ABI1: variants seen among roughly 807,000 people sequenced by gnomAD.
ABI1 encodes the protein Abelson interactor 1.
A neutral mutation model predicts 54.6 loss-of-function variants in ABI1; 14 were observed. The observed-to-expected ratio is 0.26, with a 90% CI of 0.17 to 0.40. ABI1 has a LOEUF of 0.40. Ranked by LOEUF, ABI1 falls within the 10% of genes least tolerant of loss-of-function variation. The pLI, the probability that ABI1 is intolerant of heterozygous loss-of-function variation, is 1.00. For synonymous variants in ABI1, 194 were observed against 209.3 expected (o/e 0.93, Z 0.63); for missense variants, 443 against 598.3 (o/e 0.74, Z 2.71).
chr10:26,860,627 AG>A lies in ABI1; in HGVS notation c.117+119del. On this transcript the variant is annotated intron_variant, in intron 1 of 10. Coordinates refer to ENST00000376140, the MANE Select transcript of ABI1 (RefSeq NM_001012750.3). This position sits in a 1 kb window ranked among gnomAD's most constrained non-coding sequence, Gnocchi z 4.1. The stretch of plus-strand genomic sequence containing the variant: ...TTGGGGCTGGGGTTGGGGCTGCGGT[AG>A]GGGCTCGGGTTGGTGGCAGCCGCTG... 1.3e-6 allele frequency: 1 copy of A among 764,354 alleles called. No homozygotes were observed. The highest frequency in any genetic ancestry group is 2.5e-5 in the East Asian group (1 of 40,422). The allele number at this position is 764,354 out of a possible 1,614,324, so 47.3% of individuals were successfully genotyped here. A position where few individuals can be genotyped will look rare whatever the true frequency, so the allele number is the denominator to read the frequency against.
chr10:26,823,320 A>C lies in ABI1; in HGVS notation c.118-15T>G. ...TTGTCTGTAGCCTGAAATAAGAACAAAAACAACAAATACTTATTTAGATTA... is the reference window on the plus strand; with the variant it reads ...TTGTCTGTAGCCTGAAATAAGAACACAAACAACAAATACTTATTTAGATTA... On this transcript the variant is annotated splice_polypyrimidine_tract_variant and intron_variant, in intron 1 of 10. Transcript: ENST00000376140. The C allele has an allele frequency of 6.7e-7, 1 of 1,499,242 alleles. No homozygotes were observed. Among genetic ancestry groups the C allele is most frequent in the Non-Finnish European group, 8.9e-7 (1 of 1,129,482 alleles). The allele number at this position is 1,499,242 out of a possible 1,614,324, so 92.9% of individuals were successfully genotyped here.
intron 3 of ABI1, 123 bp from the exon 4 acceptor site, chr10:26,771,212 G>T: frequency 1.0e-6 from 1 of 991,984 alleles, no homozygotes; most frequent in Non-Finnish European, 1.6e-6. Context: ...TTCCAGCCAT[G>T]TTTCAACTAC....
In ABI1 at chr10:26,808,418, G is replaced by T. The variant is rs958759745; in HGVS notation, c.285+14720C>A. Among the ~76,000 whole-genome samples the T allele has an allele frequency of 4.6e-5, 7 of 152,132 alleles. 1 individual carries two copies. The South Asian group carries it at 8.3e-4, about 18-fold the overall frequency. Reference sequence around the variant, plus strand: ...AGTTTCATTCTTTGTTCACTCAGGGGTGGGATGGCGGGCTGGTGTGTATGC... The same window carrying T: ...AGTTTCATTCTTTGTTCACTCAGGGTTGGGATGGCGGGCTGGTGTGTATGC... On this transcript the variant is annotated intron_variant, in intron 2 of 10. Transcript: ENST00000376140.
chr10:26,786,231 T>G (rs1206599018), intron 2 of ABI1, among the ~76,000 whole-genome samples: 4 of 151,902 alleles, frequency 2.6e-5, no homozygotes. Context: ...TTTTTTTTTT[T>G]TTGACAGGGT....
At chr10:26,822,200 T>C (rs1282721390) in intron 2 of ABI1, among the ~76,000 whole-genome samples, 2 of 152,144 alleles carry the variant, frequency 1.3e-5, no homozygotes, top group Non-Finnish European at 2.9e-5. Flanking sequence ...ATATGATCAT[T>C]TCAACAAATG....
chr10:26,796,029 C>T (rs1396925501), intron 2 of ABI1, among the ~76,000 whole-genome samples: 1 of 151,906 alleles, frequency 6.6e-6, no homozygotes, highest in East Asian at 1.9e-4. Context: ...GTCTAAGCTG[C>T]AATGAGCCAT....
At chr10:26,795,167 C>T (rs1843992553) in intron 2 of ABI1, among the ~76,000 whole-genome samples, 2 of 150,218 alleles carry the variant, frequency 1.3e-5, no homozygotes, top group African/African-American at 2.4e-5. Context: ...CCAAAAACAC[C>T]ATACCAAGTT....
At chr10:26,843,199 T>A (rs935898642) in intron 1 of ABI1, among the ~76,000 whole-genome samples, 2 of 151,626 alleles carry the variant, frequency 1.3e-5, no homozygotes, top group Non-Finnish European at 2.9e-5. Context: ...ACACCTGTAA[T>A]CCCAGCACTC....
chr10:26,807,899 C>A (rs1375427059), intron 2 of ABI1, among the ~76,000 whole-genome samples: 1 of 152,098 alleles, frequency 6.6e-6, no homozygotes, highest in African/African-American at 2.4e-5. Context: ...GGAGGCCAGC[C>A]TGGCCAAAAT....
At position 26,860,325 on chromosome 10, in the gene ABI1, T is replaced by A. The variant is rs1229293076; in HGVS notation, c.117+422A>T. Among the ~76,000 whole-genome samples, 2 of 152,052 alleles carry A rather than the reference T, an allele frequency of 1.3e-5. No homozygotes were observed. The highest frequency in any genetic ancestry group is 2.9e-5 in the Non-Finnish European group (2 of 68,004). On this transcript the variant is annotated intron_variant, in intron 1 of 10. Coordinates refer to ENST00000376140, the MANE Select transcript of ABI1 (RefSeq NM_001012750.3). The surrounding 1 kb of genome is among the most constrained non-coding windows in gnomAD (Gnocchi z 4.1). ...CCCTCTCCTCTCCCCTCTCCCGTCC[T>A]GGACCTCCTCTCCCGGCGCAGAGAG... is the stretch of plus-strand genomic sequence containing the variant.
At chr10:26,836,023 G>T (rs10829084) in intron 1 of ABI1, among the ~76,000 whole-genome samples, 39,825 of 151,802 alleles carry the variant, frequency 0.26, 6,007 homozygotes, top group South Asian at 0.44. Context: ...AAACTGCTAG[G>T]ATTACAAGCA....
chr10:26,795,099 G>A (rs991083531), intron 2 of ABI1, among the ~76,000 whole-genome samples: 4 of 148,860 alleles, frequency 2.7e-5, no homozygotes, highest in South Asian at 2.1e-4. Context: ...AGCCAAGATC[G>A]CACCACTGCA....
intron 2 of ABI1, among the ~76,000 whole-genome samples, chr10:26,817,963 C>T (rs972648084): frequency 6.6e-6 from 1 of 150,950 alleles, no homozygotes; most frequent in Non-Finnish European, 1.5e-5. Flanking sequence ...TGAGACCAGC[C>T]TGGCCAGCAT....
At chr10:26,783,474 T>A (rs1298334995) in intron 2 of ABI1, among the ~76,000 whole-genome samples, 2 of 152,178 alleles carry the variant, frequency 1.3e-5, no homozygotes, top group African/African-American at 2.4e-5. Context: ...TTAAAAAAAA[T>A]TTTAATCAAC....
At chr10:26,785,435 T>C (rs1165352961) in intron 2 of ABI1, among the ~76,000 whole-genome samples, 1 of 152,052 alleles carries the variant, frequency 6.6e-6, no homozygotes, top group East Asian at 1.9e-4. Flanking sequence ...AAAGATATCA[T>C]CTCCAGTTGG....
intron 1 of ABI1, among the ~76,000 whole-genome samples, chr10:26,854,658 A>G (rs1256040439): frequency 6.6e-6 from 1 of 152,180 alleles, no homozygotes; most frequent in Non-Finnish European, 1.5e-5. Flanking sequence ...CTACATCTCT[A>G]ACTTTGCTAG....
intron 1 of ABI1, among the ~76,000 whole-genome samples, chr10:26,834,836 C>T (rs2048934347): frequency 6.6e-6 from 1 of 152,018 alleles, no homozygotes; most frequent in Admixed American, 6.6e-5. Flanking sequence ...GGCACAGTAG[C>T]TCATGCCTGT....
At chr10:26,852,224 A>G (rs1433366068) in intron 1 of ABI1, among the ~76,000 whole-genome samples, 1 of 152,204 alleles carries the variant, frequency 6.6e-6, no homozygotes, top group Non-Finnish European at 1.5e-5. Flanking sequence ...TCACGCCTGT[A>G]ATCCCAACAT....
At chr10:26,845,830 G>A (rs1589061332) in intron 1 of ABI1, among the ~76,000 whole-genome samples, 1 of 151,904 alleles carries the variant, frequency 6.6e-6, no homozygotes, top group South Asian at 2.1e-4. Context: ...CTACCATGAT[G>A]AGTTCAGGCA....
Sources: gnomAD v4.1 joint callset for allele counts (sites outside exome capture counted in the v4.1 genomes callset) on GRCh38, gnomAD v4.1.1 for gene constraint, Gnocchi (gnomAD v3.1) non-coding constraint, MANE v1.5 for transcripts, NCBI Gene and HGNC (gene_info 2026-07-23, HGNC 2026-07-21) for gene names.